The following SVIL variants were observed in gnomAD, a reference collection of about 807,000 sequenced individuals.
SVIL encodes archvillin.
In SVIL, 101 loss-of-function variants were observed where a neutral mutation model predicts 240.4. The ratio of observed to expected loss-of-function variants is 0.42; its 90% CI spans 0.36 to 0.50. The LOEUF is 0.50. Ranked by LOEUF, SVIL falls within the 20% of genes least tolerant of loss-of-function variation. The pLI is 0.01. For synonymous variants in SVIL, 999 were observed against 1,100.0 expected, an observed-to-expected ratio of 0.91 and a Z score of 1.82; for missense variants, 2,512 against 2,818.7, an observed-to-expected ratio of 0.89 and a Z score of 2.46.
chr10:29,649,739 C>T (rs1019436684), intron 3 of SVIL, among the ~76,000 whole-genome samples: 3 of 152,148 alleles, frequency 2.0e-5, no homozygotes, highest in Non-Finnish European at 4.4e-5. Flanking sequence ...TGAGCAGTCC[C>T]TAGTCATGTG....
intron 1 of SVIL, among the ~76,000 whole-genome samples, chr10:29,696,951 G>A (rs1044542813): frequency 6.2e-5 from 9 of 145,932 alleles, no homozygotes; most frequent in African/African-American, 1.8e-4. Flanking sequence ...CAGACGCCCC[G>A]TCCGGGAGGG....
chr10:29,621,059 C>T (rs2132912705), intron 1 of SVIL, among the ~76,000 whole-genome samples: 1 of 151,954 alleles, frequency 6.6e-6, no homozygotes, highest in Admixed American at 6.5e-5. Context: ...CCACCTTGGC[C>T]TCCCAAAGTG....
chr10:29,600,995 C>T (rs181685352), intron 1 of SVIL, among the ~76,000 whole-genome samples: 7 of 152,256 alleles, frequency 4.6e-5, no homozygotes, highest in Admixed American at 3.3e-4. Context: ...GGTGTCCGCG[C>T]GGTTTTAAAA....
intron 1 of SVIL, among the ~76,000 whole-genome samples, chr10:29,694,978 A>T (rs183105029): frequency 1.3e-5 from 2 of 152,200 alleles, no homozygotes; most frequent in African/African-American, 2.4e-5. Flanking sequence ...GCGCTCCTCC[A>T]TTCTGCATGC....
At chr10:29,630,632 C>T (rs903248069) in intron 1 of SVIL, among the ~76,000 whole-genome samples, 3 of 152,144 alleles carry the variant, frequency 2.0e-5, no homozygotes, top group South Asian at 4.2e-4. Flanking sequence ...TGACTTCATG[C>T]GGCACACCTT....
chr10:29,650,938 C>G (rs1263995606), intron 3 of SVIL, among the ~76,000 whole-genome samples: 1 of 152,198 alleles, frequency 6.6e-6, no homozygotes, highest in Non-Finnish European at 1.5e-5. Flanking sequence ...AAAACAAGAG[C>G]ATGGAATGTC....
At chr10:29,574,090 G>A (rs900106216) in intron 1 of SVIL, among the ~76,000 whole-genome samples, 3 of 152,186 alleles carry the variant, frequency 2.0e-5, no homozygotes, top group Admixed American at 6.5e-5. Context: ...CACCAGCTCA[G>A]CATGAACGCA....
intron 24 of SVIL, 36 bp from the exon 25 acceptor site, chr10:29,486,593 A>C (rs757350591): frequency 1.2e-6 from 2 of 1,613,434 alleles, no homozygotes; most frequent in African/African-American, 2.7e-5. Flanking sequence ...CTGGGTAGAA[A>C]AGCCCTTGGC....
intron 1 of SVIL, among the ~76,000 whole-genome samples, chr10:29,615,982 C>A (rs549168450): frequency 2.0e-5 from 3 of 152,194 alleles, no homozygotes; most frequent in African/African-American, 4.8e-5. Flanking sequence ...TGGCATGATA[C>A]CCCATATCTA....
At chr10:29,582,602 T>TG (rs1422571144) in intron 1 of SVIL, among the ~76,000 whole-genome samples, 4 of 152,032 alleles carry the variant, frequency 2.6e-5, no homozygotes, top group Admixed American at 2.6e-4. Context: ...TAGCCAGGAA[T>TG]GATGGTGTAG....
intron 6 of SVIL, among the ~76,000 whole-genome samples, chr10:29,541,445 C>T (rs1170142052): frequency 1.3e-5 from 2 of 152,096 alleles, no homozygotes; most frequent in Non-Finnish European, 2.9e-5. Context: ...TAAATTATAC[C>T]TCATTTAAAA....
At chr10:29,697,675 A>ACTGCGGCTGCAGGGTC (rs1380484368) in intron 1 of SVIL, among the ~76,000 whole-genome samples, 1 of 118,048 alleles carries the variant, frequency 8.5e-6, no homozygotes, top group Non-Finnish European at 1.7e-5. Flanking sequence ...GGACACAAAC[A>ACTGCGGCTGCAGGGTC]CTCTGCCTAG....
At chr10:29,498,340 C>T (rs1469267879) in intron 18 of SVIL, among the ~76,000 whole-genome samples, 1 of 151,964 alleles carries the variant, frequency 6.6e-6, no homozygotes, top group African/African-American at 2.4e-5. Flanking sequence ...ATTGCTTGAA[C>T]CCGGGAGGTG....
rs778452415 is a variant in SVIL at position 29,555,099 on chromosome 10, A to C, written c.-41T>G. On this transcript the variant is annotated 5_prime_UTR_variant, in exon 4 of 38. In the 5' UTR this introduces an upstream ATG that the reference lacks. Coordinates refer to ENST00000355867, the MANE Select transcript of SVIL (RefSeq NM_021738.3). ...CTTCTTTGGTTCAAAGATTTGTCTTAATTCTGCAACTGGAAGAAAACCAAA... is the reference window on the plus strand; with the variant it reads ...CTTCTTTGGTTCAAAGATTTGTCTTCATTCTGCAACTGGAAGAAAACCAAA... 6.2e-7 allele frequency: 1 copy of C among 1,608,276 alleles called. No homozygotes were observed. Among genetic ancestry groups the C allele is most frequent in the Non-Finnish European group, 8.5e-7 (1 of 1,178,558 alleles).
intron 1 of SVIL, among the ~76,000 whole-genome samples, chr10:29,720,831 A>G (rs1963926064): frequency 6.6e-6 from 1 of 152,210 alleles, no homozygotes; most frequent in Admixed American, 6.5e-5. Context: ...TAACTTAAAG[A>G]TGTATACTCT....
chr10:29,580,675 G>GTATT (rs1220201024), intron 1 of SVIL, among the ~76,000 whole-genome samples: 1 of 152,176 alleles, frequency 6.6e-6, no homozygotes, highest in African/African-American at 2.4e-5. Flanking sequence ...ATGTATGTAT[G>GTATT]TATTTATTTG....
At chr10:29,505,477 C>T (rs1185605294) in intron 17 of SVIL, among the ~76,000 whole-genome samples, 1 of 152,030 alleles carries the variant, frequency 6.6e-6, no homozygotes, top group Non-Finnish European at 1.5e-5. Context: ...CTGGAAAAGG[C>T]AAAACCATGT....
chr10:29,512,774 G>C lies in SVIL; in HGVS notation c.3477C>G (p.Ser1159Arg). 6.2e-7 allele frequency: 1 copy of C among 1,613,816 alleles called. No individual in the cohort carries two copies. Among genetic ancestry groups the C allele is most frequent in the Non-Finnish European group, 8.5e-7 (1 of 1,180,032 alleles). ...RQEGGKAPASSLHTQEAGRSL... is the reference protein window; with the variant it reads ...RQEGGKAPASRLHTQEAGRSL... ...ACCGCCCTGCTTCCTGGGTGTGCAGGCTGCTGGCCGGCGCCTTGCCGCCCT... is the reference window on the plus strand; with the variant it reads ...ACCGCCCTGCTTCCTGGGTGTGCAGCCTGCTGGCCGGCGCCTTGCCGCCCT... The change falls in exon 17 of 38, where the codon AGC becomes AGG. Residue 1159 changes from serine to arginine, a missense_variant. Coordinates refer to ENST00000355867, the MANE Select transcript of SVIL (RefSeq NM_021738.3).
intron 1 of SVIL, among the ~76,000 whole-genome samples, chr10:29,596,129 T>G (rs1239580635): frequency 6.6e-6 from 1 of 152,212 alleles, no homozygotes; most frequent in African/African-American, 2.4e-5. Context: ...GGGAGAGCTG[T>G]GTCTAGTGGG....
Sources: allele counts gnomAD v4.1 joint callset (sites outside exome capture counted in the v4.1 genomes callset), GRCh38; gene constraint gnomAD v4.1.1; transcripts MANE v1.5; gene names NCBI Gene and HGNC (gene_info 2026-07-23, HGNC 2026-07-21).